The following NFATC2 variants were observed in gnomAD, a reference collection of about 807,000 sequenced individuals.
NFATC2 encodes nuclear factor of activated T cells 2, also known as nuclear factor of activated T-cells, cytoplasmic 2.
NFATC2 carries 22 observed loss-of-function variants against 87.3 expected under a neutral mutation model. The ratio of observed to expected loss-of-function variants is 0.25; its 90% CI spans 0.18 to 0.36. NFATC2 has a LOEUF of 0.36. Among genes scored for constraint, NFATC2 ranks in the 10% least tolerant of loss-of-function variants. The probability of loss-of-function intolerance (pLI) is 1.00; values close to 1 mark genes in which losing one functional copy is unlikely to be tolerated. For missense variants in NFATC2, 1,149 were observed against 1,259.1 expected (o/e 0.91, Z 1.32); for synonymous variants, 565 against 542.2 (o/e 1.04, Z -0.58).
intron 9 of NFATC2, among the ~76,000 whole-genome samples, chr20:51,422,208 G>T (rs940908343): frequency 2.6e-5 from 4 of 152,146 alleles, no homozygotes; most frequent in African/African-American, 9.7e-5. Flanking sequence ...AAACCAAGTT[G>T]GGGTGCTCAA....
At chr20:51,439,523 G>A (rs1169058273) in intron 6 of NFATC2, among the ~76,000 whole-genome samples, 11 of 152,166 alleles carry the variant, frequency 7.2e-5, no homozygotes, top group Non-Finnish European at 1.5e-5. Context: ...TCCTCGGGAC[G>A]CCCCAAAGTG....
chr20:51,436,307 G>A (rs1190654494), intron 6 of NFATC2, among the ~76,000 whole-genome samples: 1 of 151,180 alleles, frequency 6.6e-6, no homozygotes, highest in African/African-American at 2.4e-5. Context: ...AAGAAAACAG[G>A]GCAACAACAG....
Position 51,561,443 on chromosome 20 carries a change from GAAAGAAA to G in NFATC2, c.70+1110_70+1116del, listed in dbSNP as rs1568765543. On this transcript the variant is annotated intron_variant, in intron 1 of 10. Transcript: ENST00000414705. Reference sequence around the variant, plus strand: ...AAGAGAGAGAAAGAAAAGAAAGAAAGAAAGAAAGAAAGAAAGAAAGAAAGAAAGAAAG... The same window carrying G: ...AAGAGAGAGAAAGAAAAGAAAGAAAGGAAAGAAAGAAAGAAAGAAAGAAAG... Among the ~76,000 whole-genome samples the G allele has an allele frequency of 1.7e-3, 166 of 95,984 alleles. 2 individuals carry two copies. The highest frequency in any genetic ancestry group is 2.7e-3 in the Non-Finnish European group (125 of 46,772). 63.0% of individuals were successfully genotyped at this position (95,984 alleles called of 152,430 possible).
intron 3 of NFATC2, among the ~76,000 whole-genome samples, chr20:51,506,177 C>T (rs187026084): frequency 7.2e-5 from 11 of 152,324 alleles, no homozygotes; most frequent in African/African-American, 2.6e-4. Flanking sequence ...AGCAGGCACA[C>T]AGGAAAAGCT....
chr20:51,538,632 G>A (rs994175682), intron 1 of NFATC2, among the ~76,000 whole-genome samples: 1 of 152,238 alleles, frequency 6.6e-6, no homozygotes, highest in Non-Finnish European at 1.5e-5. Flanking sequence ...ATCTAACACA[G>A]AGGGTGCTCA....
At position 51,432,517 on chromosome 20, in the gene NFATC2, G is replaced by A. The variant is rs1014587224; in HGVS notation, c.2272C>T (p.Leu758=). Residue 758 remains leucine, a synonymous_variant, in exon 9 of 11, where the codon CTG becomes TTG. Transcript: ENST00000371564. This position sits in a 1 kb window ranked among gnomAD's most constrained non-coding sequence, Gnocchi z 4.6. ...TGATAGCCCAGCAGGCTGGGGCTCA[G>A]GCTCTTGCTCCGCTGGTAGAGTACG... ...AAVLYQRSKS[L]SPSLLGYQQP... 5.8e-6 allele frequency: 9 copies of A among 1,557,054 alleles called. No individual in the cohort carries two copies. The African/African-American group carries it at 6.8e-5, about 12-fold the overall frequency.
chr20:51,397,990 C>T (rs939731026), intron 10 of NFATC2, among the ~76,000 whole-genome samples: 33 of 152,292 alleles, frequency 2.2e-4, no homozygotes, highest in African/African-American at 3.1e-4. Flanking sequence ...GTCTTCTTAG[C>T]GGCCAGGCTC....
chr20:51,446,290 C>T (rs1290905192), intron 6 of NFATC2, among the ~76,000 whole-genome samples: 1 of 152,190 alleles, frequency 6.6e-6, no homozygotes, highest in Non-Finnish European at 1.5e-5. Flanking sequence ...GTGAAGTCAA[C>T]CAGGCTCCCA....
chr20:51,522,996 C>T, intron 2 of NFATC2, 85 bp downstream of exon 2: 1 of 1,565,658 alleles, frequency 6.4e-7, no homozygotes, highest in South Asian at 1.2e-5. Context: ...AGTCTTAAAC[C>T]TGACTCTGAA....
In NFATC2 at chr20:51,523,376, C is replaced by T. The variant is rs748599482; in HGVS notation, c.865G>A (p.Gly289Ser). 3.1e-6 allele frequency: 5 copies of T among 1,610,942 alleles called. No individual in the cohort carries two copies. The highest frequency in any genetic ancestry group is 2.7e-5 in the African/African-American group (2 of 74,850). Residue 289 changes from glycine to serine, a missense_variant, in exon 2 of 11, where the codon GGC (glycine) becomes AGC (serine). Physicochemically the swap from Gly to Ser is moderately conservative, Grantham distance 56. This residue lies in a region of NFATC2 where 563 missense variants were observed against 585.2 expected (regional missense o/e 0.96). Coordinates refer to ENST00000371564, the MANE Select transcript of NFATC2 (RefSeq NM_012340.5). This position sits in a 1 kb window ranked among gnomAD's most constrained non-coding sequence, Gnocchi z 6.9. Reference sequence around the variant, plus strand: ...ACAGGGGGGTACCCAGCCGGGGAGCCGTGGTCCTGGGGTGCCACGTGAGAT... The same window carrying T: ...ACAGGGGGGTACCCAGCCGGGGAGCTGTGGTCCTGGGGTGCCACGTGAGAT... ...PSSHVAPQDH[G>S]SPAGYPPVAG...
intron 3 of NFATC2, among the ~76,000 whole-genome samples, chr20:51,484,169 G>T (rs555729461): frequency 2.0e-5 from 3 of 151,778 alleles, no homozygotes; most frequent in South Asian, 4.2e-4. Flanking sequence ...CACCCACCAG[G>T]CAGGTGCCCG....
chr20:51,482,531 C>T (rs1989351083), intron 3 of NFATC2, among the ~76,000 whole-genome samples: 1 of 152,002 alleles, frequency 6.6e-6, no homozygotes, highest in South Asian at 2.1e-4. Flanking sequence ...TTTTATTTTT[C>T]CTCTTAATTG....
At chr20:51,459,127 G>A (rs1986872927) in intron 5 of NFATC2, among the ~76,000 whole-genome samples, 1 of 152,224 alleles carries the variant, frequency 6.6e-6, no homozygotes, top group Non-Finnish European at 1.5e-5. Context: ...TCAGTACATA[G>A]ATGGTAAAAT....
At chr20:51,546,176 G>T (rs1192242770), upstream of NFATC2, among the ~76,000 whole-genome samples, 1 of 152,178 alleles carries the variant, frequency 6.6e-6, no homozygotes, top group Admixed American at 6.5e-5. Flanking sequence ...AACTGCCTTT[G>T]TTGTCCCTCT....
chr20:51,545,369 A>T (rs1239672831), upstream of NFATC2, among the ~76,000 whole-genome samples: 1 of 152,200 alleles, frequency 6.6e-6, no homozygotes, highest in Non-Finnish European at 1.5e-5. Context: ...TAGAGCTATC[A>T]ACCCAGCTGC....
At chr20:51,513,126 T>C (rs2076298307) in intron 3 of NFATC2, among the ~76,000 whole-genome samples, 1 of 152,236 alleles carries the variant, frequency 6.6e-6, no homozygotes. Flanking sequence ...GACTCCACTT[T>C]TTGTCTTTTA....
At chr20:51,493,470 G>C (rs1278374596) in intron 3 of NFATC2, among the ~76,000 whole-genome samples, 1 of 152,126 alleles carries the variant, frequency 6.6e-6, no homozygotes, top group African/African-American at 2.4e-5. Flanking sequence ...TGATCTTCTA[G>C]GCACCTCCCA....
chr20:51,488,512 C>G (rs940347780), intron 3 of NFATC2, among the ~76,000 whole-genome samples: 6 of 152,200 alleles, frequency 3.9e-5, no homozygotes, highest in Non-Finnish European at 8.8e-5. Flanking sequence ...AAAAAAGTCT[C>G]TGGACATTGC....
chr20:51,429,667 TAG>T (rs1444272139), intron 9 of NFATC2, among the ~76,000 whole-genome samples: 1 of 152,250 alleles, frequency 6.6e-6, no homozygotes, highest in African/African-American at 2.4e-5. Context: ...CCCCGCATTT[TAG>T]AGACTTATAA....
Sources: allele counts gnomAD v4.1 joint callset (sites outside exome capture counted in the v4.1 genomes callset), GRCh38; gene constraint gnomAD v4.1.1; regional missense constraint gnomAD v4.1.1; non-coding constraint Gnocchi (gnomAD v3.1); transcripts MANE v1.5; gene names NCBI Gene and HGNC (gene_info 2026-07-23, HGNC 2026-07-21).